INVS: variants seen among roughly 807,000 people sequenced by gnomAD.
INVS encodes the protein inversin.
A neutral mutation model predicts 108.8 loss-of-function variants in INVS; 86 were observed. That is an observed-to-expected ratio of 0.79 (90% confidence interval 0.66 to 0.95). The LOEUF is 0.95. INVS is among the 40% of genes least tolerant of loss of function. The probability of loss-of-function intolerance (pLI) is 0.00; values close to 1 mark genes in which losing one functional copy is unlikely to be tolerated. For missense variants in INVS, 1,169 were observed against 1,297.4 expected, an observed-to-expected ratio of 0.90 and a Z score of 1.52; for synonymous variants, 455 against 473.5, an observed-to-expected ratio of 0.96 and a Z score of 0.51.
chr9:100,255,091 A>C (rs959426698), intron 10 of INVS, among the ~76,000 whole-genome samples: 11 of 152,002 alleles, frequency 7.2e-5, no homozygotes, highest in African/African-American at 1.7e-4. Context: ...CTTTTATTTC[A>C]TTGAGCAGTG....
chr9:100,276,442 T>C (rs1035276889), intron 12 of INVS, among the ~76,000 whole-genome samples: 1 of 152,188 alleles, frequency 6.6e-6, no homozygotes, highest in African/African-American at 2.4e-5. Flanking sequence ...CTACCATTGA[T>C]TGTATGCATT....
At chr9:100,253,573 T>A (rs928115964) in intron 10 of INVS, among the ~76,000 whole-genome samples, 2 of 151,982 alleles carry the variant, frequency 1.3e-5, no homozygotes, top group African/African-American at 4.8e-5. Context: ...GCTTCCCCCA[T>A]CCCACACCAG....
chr9:100,226,050 T>A lies in INVS; in HGVS notation c.274-12T>A, dbSNP rs766345404. 3.7e-6 allele frequency: 6 copies of A among 1,603,188 alleles called. No homozygotes were observed. Among genetic ancestry groups the A allele is most frequent in the Non-Finnish European group, 4.3e-6 (5 of 1,173,448 alleles). On this transcript the variant is annotated splice_polypyrimidine_tract_variant and intron_variant, in intron 3 of 16. Coordinates refer to ENST00000262457, the MANE Select transcript of INVS (RefSeq NM_014425.5). ...TACATTTTTTTCTTATCATCTCTTG[T>A]TTTTTATTTAGGGAAATTATCGTTT...
intron 2 of INVS, among the ~76,000 whole-genome samples, chr9:100,124,352 C>T (rs969955640): frequency 6.6e-6 from 1 of 151,906 alleles, no homozygotes; most frequent in Non-Finnish European, 1.5e-5. Flanking sequence ...TTAAAAATCA[C>T]CTCTACATAA....
rs181869852 is a variant in INVS, at chr9:100,294,920, C to T, written c.2786+1877C>T. 5.5e-4 allele frequency among the ~76,000 whole-genome samples: 83 copies of T among 152,278 alleles called. 1 individual carries two copies. The highest frequency in any genetic ancestry group is 3.5e-3 in the East Asian group (18 of 5,190). ...GCAAGGTAGGTATTGTTCTTATCCC[C>T]GTTACACAGATGAGGAAACTGAAGC... On this transcript the variant is annotated intron_variant, in intron 14 of 16. Coordinates refer to ENST00000262457, the MANE Select transcript of INVS (RefSeq NM_014425.5).
chr9:100,104,586 C>A lies in INVS; in HGVS notation c.65C>A (p.Ala22Asp), dbSNP rs747084684. 1.2e-5 allele frequency: 20 copies of A among 1,614,044 alleles called. No individual in the cohort carries two copies. Among genetic ancestry groups the A allele is most frequent in the Admixed American group, 1.7e-5 (1 of 60,020 alleles). Residue 22 changes from alanine (A) to aspartate (D), a missense_variant, in exon 2 of 17, where the codon GCC becomes GAC. By Grantham distance (126) the Ala-to-Asp change is moderately radical. Transcript: ENST00000262457. The stretch of plus-strand genomic sequence containing the variant: ...TTAGCATCACAAGTCCATGCTGCTG[C>A]CGTTAATGGAGATAAGGGTGCTCTA... ...SSLASQVHAA[A>D]VNGDKGALQR...
At chr9:100,290,543 G>A (rs1564192394) in intron 13 of INVS, among the ~76,000 whole-genome samples, 1 of 151,766 alleles carries the variant, frequency 6.6e-6, no homozygotes, top group East Asian at 2.0e-4. Flanking sequence ...GTAGAGACAG[G>A]GTTTCTCCAC....
At chr9:100,166,712 T>C (rs1024272362) in intron 3 of INVS, among the ~76,000 whole-genome samples, 1 of 152,218 alleles carries the variant, frequency 6.6e-6, no homozygotes, top group Non-Finnish European at 1.5e-5. Context: ...CAAACCTAGA[T>C]TTATCCAGAA....
chr9:100,162,380 A>C (rs1051496049), intron 3 of INVS, among the ~76,000 whole-genome samples: 1 of 152,196 alleles, frequency 6.6e-6, no homozygotes, highest in Non-Finnish European at 1.5e-5. Context: ...TGGCTCAATG[A>C]TATTAGCAAG....
intron 5 of INVS, 106 bp downstream of exon 5, chr9:100,229,933 G>C (rs915926157): frequency 2.3e-5 from 25 of 1,072,784 alleles, no homozygotes; most frequent in Non-Finnish European, 3.2e-5. Flanking sequence ...AAATTATTAA[G>C]CAAAAGAATA....
chr9:100,295,187 G>A (rs573578845), intron 14 of INVS, among the ~76,000 whole-genome samples: 54 of 152,254 alleles, frequency 3.5e-4, no homozygotes, highest in African/African-American at 8.9e-4. Flanking sequence ...CTCCTTCTCC[G>A]ACTGTCTGAC....
rs750390592 is a variant in INVS, at chr9:100,126,411, T to G, written c.135T>G (p.Asp45Glu). 1.2e-6 allele frequency: 2 copies of G among 1,614,088 alleles called. No individual in the cohort carries two copies. The highest frequency in any genetic ancestry group is 1.7e-6 in the Non-Finnish European group (2 of 1,179,928). ...VGNSALKDKE[D>E]QFGRTPLMYC... ...ACTCTGCTCTTAAAGACAAAGAAGA[T>G]CAGTTTGGGAGAACACCACTTATGT... Residue 45 changes from aspartate (D) to glutamate (E), a missense_variant, in exon 3 of 17, where the codon GAT becomes GAG. Transcript: ENST00000262457.
intron 2 of INVS, among the ~76,000 whole-genome samples, chr9:100,105,963 A>G (rs1465229118): frequency 7.1e-6 from 1 of 140,294 alleles, no homozygotes; most frequent in Non-Finnish European, 1.5e-5. Context: ...TGAAAGATTG[A>G]TAGCACCCCA....
intron 16 of INVS, among the ~76,000 whole-genome samples, chr9:100,298,840 A>ACTTTCAAAGCAATCAAGGC (rs1258426013): frequency 9.2e-5 from 14 of 152,296 alleles, no homozygotes; most frequent in Non-Finnish European, 2.1e-4. Flanking sequence ...GTAGTTAGAA[A>ACTTTCAAAGCAATCAAGGC]CTTTCAAAGC....
intron 2 of INVS, chr9:100,120,913 T>G (rs1425321477): frequency 6.6e-6 from 1 of 152,234 alleles, no homozygotes; most frequent in Non-Finnish European, 1.5e-5. Flanking sequence ...GGTCTAGTCA[T>G]AGCTCTAAGC....
At chr9:100,193,251 A>T (rs1830278866) in intron 3 of INVS, among the ~76,000 whole-genome samples, 1 of 152,108 alleles carries the variant, frequency 6.6e-6, no homozygotes, top group African/African-American at 2.4e-5. Flanking sequence ...AAGTGCTGGG[A>T]TTACATGCAT....
intron 2 of INVS, among the ~76,000 whole-genome samples, chr9:100,120,238 A>G (rs1276931161): frequency 1.3e-5 from 2 of 152,228 alleles, no homozygotes; most frequent in East Asian, 3.8e-4. Context: ...CGAGTTATTC[A>G]AATACATTCA....
chr9:100,296,986 A>T lies in INVS; in HGVS notation c.2856A>T (p.Arg952Ser). ...AGCTTGGAGCTGGAGATGTGGACAG[A>T]TGGAGGCAAGAGTCTACAGCATTGC... ...MKQLGAGDVD[R>S]WRQESTALLL... The change falls in exon 15 of 17, where the codon AGA (arginine) becomes AGT (serine). Residue 952 changes from arginine (R) to serine (S), a missense_variant. Arg to Ser is a moderately radical substitution (Grantham distance 110, BLOSUM62 -1). Transcript: ENST00000262457. The T allele has an allele frequency of 6.2e-7, 1 of 1,614,120 alleles. No individual in the cohort carries two copies. The highest frequency in any genetic ancestry group is 8.5e-7 in the Non-Finnish European group (1 of 1,180,014).
At chr9:100,198,016 G>C (rs915375112) in intron 3 of INVS, among the ~76,000 whole-genome samples, 1 of 152,062 alleles carries the variant, frequency 6.6e-6, no homozygotes, top group Admixed American at 6.6e-5. Flanking sequence ...AGGTCTGTGG[G>C]AGTTAAGAGC....
Sources: gnomAD v4.1 joint callset for allele counts (sites outside exome capture counted in the v4.1 genomes callset) on GRCh38, gnomAD v4.1.1 for gene constraint, MANE v1.5 for transcripts, NCBI Gene and HGNC (gene_info 2026-07-23, HGNC 2026-07-21) for gene names.